Variants in PCLO observed in about 807,000 individuals in gnomAD.
The protein encoded by PCLO is piccolo presynaptic cytomatrix protein.
Under a neutral mutation model 427.5 loss-of-function variants are expected in PCLO, and 82 were observed. The observed-to-expected ratio is 0.19, with a 90% confidence interval of 0.16 to 0.23. The LOEUF (loss-of-function observed/expected upper bound fraction) is 0.23. Ranked by LOEUF, PCLO falls within the 10% of genes least tolerant of loss-of-function variation. The pLI is 1.00. For missense variants in PCLO, 6,239 were observed against 6,115.9 expected, an observed-to-expected ratio of 1.02 and a Z score of -0.67; for synonymous variants, 2,357 against 2,155.4, an observed-to-expected ratio of 1.09 and a Z score of -2.59.
intron 3 of PCLO, among the ~76,000 whole-genome samples, chr7:83,132,457 T>G (rs1233476801): frequency 2.0e-5 from 3 of 152,140 alleles, no homozygotes; most frequent in African/African-American, 7.2e-5. Context: ...TCAAGAAATC[T>G]CCTTTCCAAA....
rs1042325469 is a variant in PCLO at position 83,011,583 on chromosome 7, C to T, written c.3301-45096G>A. On this transcript the variant is annotated intron_variant, in intron 3 of 24. Coordinates refer to ENST00000333891, the MANE Select transcript of PCLO (RefSeq NM_033026.6). ...ATACATCACAATGAAATGTAAATGT[C>T]TAATACTATAATTTTAAGCTGAAAA... is the stretch of plus-strand genomic sequence containing the variant. 3.4e-5 allele frequency among the ~76,000 whole-genome samples: 5 copies of T among 145,334 alleles called. No homozygotes were observed. In the South Asian group the frequency reaches 6.6e-4, roughly 19 times the overall value.
intron 22 of PCLO, among the ~76,000 whole-genome samples, chr7:82,763,320 A>G (rs1046482631): frequency 3.3e-5 from 5 of 152,094 alleles, no homozygotes; most frequent in African/African-American, 7.2e-5. Flanking sequence ...ATAAATATCA[A>G]CCAAGTGAAA....
chr7:83,112,669 T>G (rs1791035803), intron 3 of PCLO, among the ~76,000 whole-genome samples: 1 of 152,174 alleles, frequency 6.6e-6, no homozygotes. Flanking sequence ...AAAACTTCTC[T>G]CCAGAAAGCT....
At chr7:83,148,157 C>T (rs1287850318) in intron 2 of PCLO, among the ~76,000 whole-genome samples, 1 of 152,134 alleles carries the variant, frequency 6.6e-6, no homozygotes, top group Non-Finnish European at 1.5e-5. Context: ...TTTCTTAGTA[C>T]CCTTACCCTT....
chr7:83,066,124 A>C (rs1364535869), intron 3 of PCLO, among the ~76,000 whole-genome samples: 1 of 152,144 alleles, frequency 6.6e-6, no homozygotes, highest in Non-Finnish European at 1.5e-5. Flanking sequence ...TAGTTCTTAC[A>C]TATGCTTTTC....
chr7:82,931,403 T>C (rs1794837776), intron 6 of PCLO, among the ~76,000 whole-genome samples: 1 of 152,174 alleles, frequency 6.6e-6, no homozygotes, highest in South Asian at 2.1e-4. Flanking sequence ...TTTAGTGGCT[T>C]AAAACAACAA....
intron 10 of PCLO, among the ~76,000 whole-genome samples, chr7:82,873,565 C>A (rs1284502703): frequency 1.3e-5 from 2 of 152,128 alleles, no homozygotes; most frequent in African/African-American, 4.8e-5. Context: ...ATTTACAAGA[C>A]TGAGAGCAAA....
At chr7:82,794,450 A>ATTTTTTTTGTTTTTTT (rs141105612) in intron 22 of PCLO, among the ~76,000 whole-genome samples, 1 of 62,030 alleles carries the variant, frequency 1.6e-5, no homozygotes, top group Non-Finnish European at 3.9e-5. Context: ...TAGTTCATAA[A>ATTTTTTTTGTTTTTTT]TTTTTTTTCT....
chr7:82,792,752 T>TA (rs1345342855), intron 22 of PCLO, among the ~76,000 whole-genome samples: 1 of 152,204 alleles, frequency 6.6e-6, no homozygotes, highest in Non-Finnish European at 1.5e-5. Flanking sequence ...TTATTTTTTT[T>TA]AAATCTGTTT....
At chr7:82,916,925 C>T in intron 6 of PCLO, 52 bp from the exon 7 acceptor site, 6 of 1,185,628 alleles carry the variant, frequency 5.1e-6, no homozygotes, top group Non-Finnish European at 7.0e-6. Context: ...AAAATAAAAA[C>T]CAAATCTACT....
intron 20 of PCLO, chr7:82,821,833 A>G: frequency 1.0e-6 from 1 of 981,850 alleles, no homozygotes. Flanking sequence ...TACATATATT[A>G]ATTTAATGTA....
At chr7:83,137,000 G>A (rs1367422930) in intron 2 of PCLO, among the ~76,000 whole-genome samples, 7 of 151,906 alleles carry the variant, frequency 4.6e-5, no homozygotes, top group Admixed American at 1.3e-4. Context: ...ATGATCCAAC[G>A]TTCTCCACCC....
intron 4 of PCLO, among the ~76,000 whole-genome samples, chr7:82,965,256 A>G (rs899607364): frequency 2.0e-5 from 3 of 150,250 alleles, no homozygotes; most frequent in African/African-American, 7.3e-5. Flanking sequence ...TTTTAGAATG[A>G]CTTTTGCTTT....
Position 82,964,105 on chromosome 7 carries a change from A to G in PCLO, c.4017+1666T>C, listed in dbSNP as rs181083233. ...ACTGGAGAAGGGAGAAAAGGAAGGC[A>G]TTCTAACCAGTAATTAGATTGCTCA... On this transcript the variant is annotated intron_variant, in intron 4 of 24. Transcript: ENST00000333891. 3.3e-5 allele frequency among the ~76,000 whole-genome samples: 5 copies of G among 152,264 alleles called. No individual in the cohort carries two copies. The East Asian group carries it at 9.6e-4, about 29-fold the overall frequency.
At chr7:83,033,422 C>A (rs578095587) in intron 3 of PCLO, among the ~76,000 whole-genome samples, 8 of 152,228 alleles carry the variant, frequency 5.3e-5, no homozygotes, top group Non-Finnish European at 1.0e-4. Flanking sequence ...ATTTGTATGG[C>A]ATGTCTCTAC....
chr7:82,757,132 A>C lies in PCLO; in HGVS notation c.*1443T>G, dbSNP rs1398759937. ...TCCTATAGATAAGAAAACTGGGGTAAAGTGAGTGTAAGTGACATGTGCAAA... is the reference window on the plus strand; with the variant it reads ...TCCTATAGATAAGAAAACTGGGGTACAGTGAGTGTAAGTGACATGTGCAAA... On this transcript the variant is annotated 3_prime_UTR_variant, in exon 25 of 25. Transcript: ENST00000333891. 1 of 152,056 alleles carries C rather than the reference A, an allele frequency of 6.6e-6. No homozygotes were observed. The highest frequency in any genetic ancestry group is 1.5e-5 in the Non-Finnish European group (1 of 67,972). The allele number at this position is 152,056 out of a possible 1,614,324, so 9.4% of individuals were successfully genotyped here.
intron 15 of PCLO, among the ~76,000 whole-genome samples, chr7:82,836,635 G>C (rs890711805): frequency 2.0e-5 from 3 of 152,032 alleles, no homozygotes; most frequent in Non-Finnish European, 4.4e-5. Context: ...TAAAAGCTGT[G>C]AACTAACTTT....
rs549179062 is a variant in PCLO at position 82,760,635 on chromosome 7, C to T, written c.15288+4G>A. 6.3e-7 allele frequency: 1 copy of T among 1,575,010 alleles called. No homozygotes were observed. The highest frequency in any genetic ancestry group is 1.4e-5 in the African/African-American group (1 of 72,650). ...CAAATATGAACTACATAATACAGAG[C>T]TACCTGAAGAGAATGTCCTGCAGGA... is the stretch of plus-strand genomic sequence containing the variant. On this transcript the variant is annotated splice_donor_region_variant and intron_variant, in intron 24 of 24. Transcript: ENST00000333891.
chr7:82,768,594 T>G (rs2129467775), intron 22 of PCLO, among the ~76,000 whole-genome samples: 1 of 152,234 alleles, frequency 6.6e-6, no homozygotes, highest in South Asian at 2.1e-4. Context: ...ATAATCATTT[T>G]TTGATAAACA....
Sources: gnomAD v4.1 joint callset for allele counts (sites outside exome capture counted in the v4.1 genomes callset) on GRCh38, gnomAD v4.1.1 for gene constraint, MANE v1.5 for transcripts, NCBI Gene and HGNC (gene_info 2026-07-23, HGNC 2026-07-21) for gene names.